The following HS6ST3 variants were observed in gnomAD, a reference collection of about 807,000 sequenced individuals.
The protein encoded by HS6ST3 is heparan-sulfate 6-O-sulfotransferase 3.
HS6ST3 carries 12 observed loss-of-function variants against 36.7 expected under a neutral mutation model. The ratio of observed to expected loss-of-function variants is 0.33; its 90% CI spans 0.21 to 0.53. HS6ST3 has a LOEUF of 0.53. Among genes scored for constraint, HS6ST3 ranks in the 20% least tolerant of loss-of-function variants. The probability of loss-of-function intolerance (pLI) is 0.95; values close to 1 mark genes in which losing one functional copy is unlikely to be tolerated. For missense variants in HS6ST3, 584 were observed against 640.9 expected (o/e 0.91, Z 0.96); for synonymous variants, 240 against 257.5 (o/e 0.93, Z 0.65).
chr13:96,353,610 A>G (rs1483682081), intron 1 of HS6ST3, among the ~76,000 whole-genome samples: 1 of 152,170 alleles, frequency 6.6e-6, no homozygotes, highest in African/African-American at 2.4e-5. Context: ...TATAAGTCAT[A>G]TAGAAAATGA....
chr13:96,659,183 G>T (rs765573488), intron 1 of HS6ST3, among the ~76,000 whole-genome samples: 14 of 152,154 alleles, frequency 9.2e-5, no homozygotes, highest in African/African-American at 3.1e-4. Context: ...CCAACAAGTG[G>T]CATTGTCAGC....
intron 1 of HS6ST3, among the ~76,000 whole-genome samples, chr13:96,709,472 C>T (rs1211984446): frequency 4.6e-5 from 7 of 152,136 alleles, no homozygotes; most frequent in African/African-American, 1.7e-4. Context: ...CCTCCCAGAA[C>T]TCTTATGTTT....
At chr13:96,623,330 C>G (rs1683182765) in intron 1 of HS6ST3, among the ~76,000 whole-genome samples, 1 of 152,158 alleles carries the variant, frequency 6.6e-6, no homozygotes, top group South Asian at 2.1e-4. Context: ...CTGGGGGGCA[C>G]TGGGCAGGGA....
intron 1 of HS6ST3, among the ~76,000 whole-genome samples, chr13:96,307,310 G>C (rs983825957): frequency 6.6e-6 from 1 of 152,076 alleles, no homozygotes; most frequent in Non-Finnish European, 1.5e-5. Flanking sequence ...CCTCGAAACA[G>C]AGAGCAATAG....
intron 1 of HS6ST3, among the ~76,000 whole-genome samples, chr13:96,128,350 C>G (rs2053961107): frequency 6.6e-6 from 1 of 152,118 alleles, no homozygotes; most frequent in Admixed American, 6.5e-5. Flanking sequence ...GATTGTTTGT[C>G]CCATGGATAT....
At chr13:96,133,532 C>T (rs1003585352) in intron 1 of HS6ST3, among the ~76,000 whole-genome samples, 6 of 152,160 alleles carry the variant, frequency 3.9e-5, no homozygotes, top group Non-Finnish European at 8.8e-5. Context: ...AAAGGATTCT[C>T]CTGCCACAGC....
intron 1 of HS6ST3, among the ~76,000 whole-genome samples, chr13:96,405,438 G>A (rs1053070347): frequency 6.6e-6 from 1 of 152,118 alleles, no homozygotes; most frequent in African/African-American, 2.4e-5. Flanking sequence ...AGGCCTGGAA[G>A]GAAAGGTCCT....
At chr13:96,821,129 C>T (rs759345272) in intron 1 of HS6ST3, among the ~76,000 whole-genome samples, 5 of 152,196 alleles carry the variant, frequency 3.3e-5, no homozygotes, top group Non-Finnish European at 5.9e-5. Context: ...GTGCTGGGCT[C>T]AGGAAAACTG....
chr13:96,419,662 A>G (rs866024934), intron 1 of HS6ST3, among the ~76,000 whole-genome samples: 1 of 152,226 alleles, frequency 6.6e-6, no homozygotes, highest in African/African-American at 2.4e-5. Flanking sequence ...TCAAGGTGTC[A>G]TAGGCCATGC....
At chr13:96,166,768 C>T (rs940971274) in intron 1 of HS6ST3, among the ~76,000 whole-genome samples, 1 of 152,008 alleles carries the variant, frequency 6.6e-6, no homozygotes, top group Admixed American at 6.6e-5. Flanking sequence ...GGCTGTGTCC[C>T]CACCCAAATC....
rs1481658701 is a variant in HS6ST3, at chr13:96,456,831, A to G, written c.707+365262A>G. On this transcript the variant is annotated intron_variant, in intron 1 of 1. Transcript: ENST00000376705. ...TCATGGATTTTACTGTGTAGTCTTG[A>G]TGCTAAATATCTTTTTCTTTCTCCG... Among the ~76,000 whole-genome samples, 3 of 152,166 alleles carry G rather than the reference A, an allele frequency of 2.0e-5. No individual in the cohort carries two copies. The East Asian group carries it at 5.8e-4, about 29-fold the overall frequency.
chr13:96,314,915 A>AATAAATAAT (rs1346584303), intron 1 of HS6ST3, among the ~76,000 whole-genome samples: 3 of 152,184 alleles, frequency 2.0e-5, no homozygotes, highest in Non-Finnish European at 4.4e-5. Context: ...TTCAAAATAT[A>AATAAATAAT]ATAAATAATA....
At chr13:96,189,170 A>C (rs2054277872) in intron 1 of HS6ST3, among the ~76,000 whole-genome samples, 1 of 152,120 alleles carries the variant, frequency 6.6e-6, no homozygotes, top group Admixed American at 6.5e-5. Flanking sequence ...TTTTATTATT[A>C]TTTTAATTTT....
chr13:96,672,549 A>G (rs1330963160), intron 1 of HS6ST3, among the ~76,000 whole-genome samples: 1 of 152,052 alleles, frequency 6.6e-6, no homozygotes. Context: ...CTTCAGATTC[A>G]TCCTTTGAAG....
chr13:96,507,033 A>G (rs2056029359), intron 1 of HS6ST3, among the ~76,000 whole-genome samples: 1 of 152,138 alleles, frequency 6.6e-6, no homozygotes, highest in African/African-American at 2.4e-5. Context: ...CAATGAGAAA[A>G]ATTAATTTGA....
intron 1 of HS6ST3, among the ~76,000 whole-genome samples, chr13:96,134,989 G>C (rs755726199): frequency 2.0e-5 from 3 of 152,128 alleles, no homozygotes; most frequent in Non-Finnish European, 4.4e-5. Flanking sequence ...ACAGTCATTG[G>C]GACCTGCAAG....
chr13:96,182,981 A>G (rs2054246668), intron 1 of HS6ST3, among the ~76,000 whole-genome samples: 1 of 152,224 alleles, frequency 6.6e-6, no homozygotes, highest in South Asian at 2.1e-4. Flanking sequence ...TATTGTCAGT[A>G]GCCTCCTCCT....
chr13:96,153,911 C>T (rs761540929), intron 1 of HS6ST3, among the ~76,000 whole-genome samples: 2 of 152,140 alleles, frequency 1.3e-5, no homozygotes, highest in Admixed American at 6.5e-5. Context: ...AGATGCTTAG[C>T]GGTGAGGGAC....
intron 1 of HS6ST3, among the ~76,000 whole-genome samples, chr13:96,332,739 A>G (rs1040996484): frequency 1.4e-4 from 21 of 152,254 alleles, no homozygotes; most frequent in Non-Finnish European, 1.8e-4. Flanking sequence ...ATTGCTTAAT[A>G]TCTAAACCAT....
Sources: gnomAD v4.1 joint callset for allele counts (sites outside exome capture counted in the v4.1 genomes callset) on GRCh38, gnomAD v4.1.1 for gene constraint, MANE v1.5 for transcripts, NCBI Gene and HGNC (gene_info 2026-07-23, HGNC 2026-07-21) for gene names.